Variants in SH3BP4 observed in about 807,000 individuals in gnomAD.
SH3BP4 encodes SH3 domain binding protein 4, also known as SH3 domain-binding protein 4.
SH3BP4 carries 33 observed loss-of-function variants against 65.5 expected under a neutral mutation model. The ratio of observed to expected loss-of-function variants is 0.50; its 90% CI spans 0.38 to 0.67. The LOEUF is 0.67. SH3BP4 is among the 30% of genes least tolerant of loss of function. The pLI, the probability that SH3BP4 is intolerant of heterozygous loss-of-function variation, is 0.00. For synonymous variants in SH3BP4, 552 were observed against 545.5 expected (o/e 1.01, Z -0.17); for missense variants, 1,134 against 1,261.4 (o/e 0.90, Z 1.53).
chr2:235,053,911 C>T lies in SH3BP4; in HGVS notation c.*95C>T, dbSNP rs950988744. On this transcript the variant is annotated 3_prime_UTR_variant, in exon 6 of 6. Transcript: ENST00000392011. ...GCGGAGCTGAAGAGGGAGGAAGGGGCGGCTGCTCAGACAGATTTAGGGCCC... is the reference window on the plus strand; with the variant it reads ...GCGGAGCTGAAGAGGGAGGAAGGGGTGGCTGCTCAGACAGATTTAGGGCCC... 15 of 1,017,814 alleles carry T rather than the reference C, an allele frequency of 1.5e-5. No individual in the cohort carries two copies. Among genetic ancestry groups the T allele is most frequent in the African/African-American group, 3.2e-5 (2 of 62,944 alleles). The allele number at this position is 1,017,814 out of a possible 1,614,324, so 63.0% of individuals were successfully genotyped here.
chr2:234,959,112 T>C (rs13418733), intron 1 of SH3BP4, among the ~76,000 whole-genome samples: 5,807 of 152,208 alleles, frequency 0.038, 379 homozygotes, highest in African/African-American at 0.13. Context: ...CCCACTAGCC[T>C]TTGTGGAGGG....
At chr2:234,986,514 T>C (rs1693564276) in intron 1 of SH3BP4, among the ~76,000 whole-genome samples, 1 of 152,222 alleles carries the variant, frequency 6.6e-6, no homozygotes, top group Non-Finnish European at 1.5e-5. Context: ...TCTGGAATCT[T>C]ACACCCTCAC....
Position 235,055,578 on chromosome 2 carries a change from C to G in SH3BP4, c.*1762C>G, listed in dbSNP as rs1696198750. ...TTCCTCAGGGGCTTTAAATAGTTTC[C>G]TATGCAACGTGTCTTGTAGCACAAA... On this transcript the variant is annotated 3_prime_UTR_variant, in exon 6 of 6. Transcript: ENST00000392011. The G allele has an allele frequency of 6.6e-6, 1 of 152,586 alleles. No homozygotes were observed. Among genetic ancestry groups the G allele is most frequent in the Non-Finnish European group, 1.5e-5 (1 of 68,034 alleles). The allele number at this position is 152,586 out of a possible 1,614,324, so 9.5% of individuals were successfully genotyped here.
chr2:234,964,122 C>T (rs535996031), intron 1 of SH3BP4, among the ~76,000 whole-genome samples: 1 of 152,312 alleles, frequency 6.6e-6, no homozygotes, highest in African/African-American at 2.4e-5. Flanking sequence ...TAACATGAGG[C>T]AGCACTTTGG....
intron 3 of SH3BP4, among the ~76,000 whole-genome samples, chr2:235,038,349 T>TATATATATA (rs1559254445): frequency 0.058 from 726 of 12,476 alleles, 56 homozygotes; most frequent in East Asian, 0.18. Flanking sequence ...GTATATATAT[T>TATATATATA]TTATATATAT....
chr2:235,050,125 C>CT (rs911907521), intron 4 of SH3BP4, among the ~76,000 whole-genome samples: 7 of 151,026 alleles, frequency 4.6e-5, no homozygotes, highest in Admixed American at 2.6e-4. Context: ...TTTTTCTTTT[C>CT]TTTTTTTTGA....
At chr2:234,980,170 C>G (rs558955686) in intron 1 of SH3BP4, among the ~76,000 whole-genome samples, 70 of 152,278 alleles carry the variant, frequency 4.6e-4, no homozygotes, top group African/African-American at 1.3e-3. Flanking sequence ...GTAGTCCCCC[C>G]CTTATCTGCA....
chr2:235,036,505 C>T (rs1695383476), intron 3 of SH3BP4, among the ~76,000 whole-genome samples: 1 of 152,036 alleles, frequency 6.6e-6, no homozygotes, highest in African/African-American at 2.4e-5. Context: ...CCTGTAATCC[C>T]AGCACTTTAG....
In SH3BP4 at chr2:235,005,823, G is replaced by A. The variant is rs78196512; in HGVS notation, c.-133+10447G>A. Among the ~76,000 whole-genome samples, 1,018 of 152,348 alleles carry A rather than the reference G, an allele frequency of 6.7e-3. 19 individuals carry two copies. Among genetic ancestry groups the A allele is most frequent in the African/African-American group, 0.023 (963 of 41,586 alleles). ...AGCCAGAGCATGCTGGCTTTGGGAG[G>A]GGTGGCCCATTGTAAACAAGCCAGC... On this transcript the variant is annotated intron_variant, in intron 2 of 5. Coordinates refer to ENST00000392011, the MANE Select transcript of SH3BP4 (RefSeq NM_014521.3).
Position 234,958,424 on chromosome 2 carries a change from T to G in SH3BP4, c.-207+6254T>G, listed in dbSNP as rs1173483956. 3.9e-5 allele frequency among the ~76,000 whole-genome samples: 6 copies of G among 151,910 alleles called. 1 individual carries two copies. The South Asian group carries it at 1.0e-3, about 26-fold the overall frequency. On this transcript the variant is annotated intron_variant, in intron 1 of 5. Transcript: ENST00000392011. Reference sequence around the variant, plus strand: ...GCAGGATTCAAGGAGGTGCTCGCCCTGGGGGGGTGTCTGGGGAAGGGTCTG... The same window carrying G: ...GCAGGATTCAAGGAGGTGCTCGCCCGGGGGGGGTGTCTGGGGAAGGGTCTG...
At position 234,997,404 on chromosome 2, in the gene SH3BP4, T is replaced by A. The variant is rs1458141015; in HGVS notation, c.-133+2028T>A. ...ATAGTTCCCACCTCATGGGTTCAAG[T>A]TGTTAACCTGATCCTGCTCCCACTG... On this transcript the variant is annotated intron_variant, in intron 2 of 5. Transcript: ENST00000392011. The surrounding 1 kb of genome is among the most constrained non-coding windows in gnomAD (Gnocchi z 4.2). 6.6e-6 allele frequency among the ~76,000 whole-genome samples: 1 copy of A among 152,146 alleles called. No homozygotes were observed. The highest frequency in any genetic ancestry group is 2.4e-5 in the African/African-American group (1 of 41,432).
intron 3 of SH3BP4, among the ~76,000 whole-genome samples, chr2:235,037,113 C>T (rs1001024468): frequency 2.0e-5 from 3 of 152,128 alleles, no homozygotes; most frequent in Non-Finnish European, 4.4e-5. Context: ...CGTAGGCAGA[C>T]GGATAGGAAA....
At chr2:235,051,024 T>A (rs565662117) in intron 4 of SH3BP4, among the ~76,000 whole-genome samples, 1 of 152,272 alleles carries the variant, frequency 6.6e-6, no homozygotes, top group South Asian at 2.1e-4. Flanking sequence ...CAGGCCACTG[T>A]GCCCTGGAAG....
intron 4 of SH3BP4, among the ~76,000 whole-genome samples, chr2:235,043,937 G>A (rs1394199757): frequency 6.6e-6 from 1 of 152,252 alleles, no homozygotes; most frequent in Non-Finnish European, 1.5e-5. Flanking sequence ...TTTTCCCACC[G>A]AATCTGTGAG....
At chr2:235,028,064 C>A (rs758335423) in intron 2 of SH3BP4, among the ~76,000 whole-genome samples, 2 of 152,184 alleles carry the variant, frequency 1.3e-5, no homozygotes, top group Non-Finnish European at 2.9e-5. Context: ...TCAGACGCTG[C>A]CCTCTTGGTT....
chr2:234,970,726 C>T (rs1044667292), intron 1 of SH3BP4, among the ~76,000 whole-genome samples: 38 of 152,300 alleles, frequency 2.5e-4, no homozygotes, highest in Non-Finnish European at 4.0e-4. Context: ...ACTTCTGTTG[C>T]GTAGGTTTCC....
rs958783031 is a variant in SH3BP4, at chr2:235,034,718, C to T, written c.-132-153C>T. 9.8e-5 allele frequency among the ~76,000 whole-genome samples: 15 copies of T among 152,342 alleles called. No individual in the cohort carries two copies. The highest frequency in any genetic ancestry group is 3.4e-3 in the Middle Eastern group (1 of 294). ...GTGGGCACAGAGGCCAAGGAGCAAG[C>T]GCTGCTCTGCTCTGTTGGGCCAGGA... On this transcript the variant is annotated intron_variant, in intron 2 of 5. Transcript: ENST00000392011. This position sits in a 1 kb window ranked among gnomAD's most constrained non-coding sequence, Gnocchi z 6.2.
intron 2 of SH3BP4, among the ~76,000 whole-genome samples, chr2:235,025,850 A>T (rs1444569883): frequency 6.6e-6 from 1 of 152,188 alleles, no homozygotes; most frequent in Non-Finnish European, 1.5e-5. Context: ...GATGTTATAG[A>T]AATGGGGAGC....
chr2:235,023,956 CG>C (rs1174741026), intron 2 of SH3BP4, among the ~76,000 whole-genome samples: 1 of 152,032 alleles, frequency 6.6e-6, no homozygotes, highest in African/African-American at 2.4e-5. Context: ...TTCCTAAAGA[CG>C]GGTATATTGA....
Sources: gnomAD v4.1 joint callset for allele counts (sites outside exome capture counted in the v4.1 genomes callset) on GRCh38, gnomAD v4.1.1 for gene constraint, Gnocchi (gnomAD v3.1) non-coding constraint, MANE v1.5 for transcripts, NCBI Gene and HGNC (gene_info 2026-07-23, HGNC 2026-07-21) for gene names.